The following FRY variants were observed in gnomAD, a reference collection of about 807,000 sequenced individuals.
The protein encoded by FRY is FRY microtubule binding protein, also known as protein furry homolog.
In FRY, 128 loss-of-function variants were observed where a neutral mutation model predicts 348.4. That is an observed-to-expected ratio of 0.37 (90% CI 0.32 to 0.43). The LOEUF is 0.43. FRY is among the 20% of genes least tolerant of loss of function. The probability of loss-of-function intolerance (pLI) is 1.00; values close to 1 mark genes in which losing one functional copy is unlikely to be tolerated. For synonymous variants in FRY, 1,370 were observed against 1,374.7 expected (o/e 1.00, Z 0.08); for missense variants, 2,736 against 3,695.2 (o/e 0.74, Z 6.73).
chr13:32,158,329 AATGT>A (rs1652984969), intron 16 of FRY, among the ~76,000 whole-genome samples: 1 of 152,220 alleles, frequency 6.6e-6, no homozygotes, highest in Non-Finnish European at 1.5e-5. Context: ...TGTCAATACA[AATGT>A]ATGTGTATAC....
intron 1 of FRY, among the ~76,000 whole-genome samples, chr13:32,043,923 A>G (rs1379802972): frequency 6.6e-6 from 1 of 151,712 alleles, no homozygotes; most frequent in Non-Finnish European, 1.5e-5. Context: ...GGCCAGGCAC[A>G]GTGGCTCACA....
At chr13:32,201,568 T>C (rs1302140948) in intron 29 of FRY, among the ~76,000 whole-genome samples, 2 of 152,250 alleles carry the variant, frequency 1.3e-5, no homozygotes, top group African/African-American at 4.8e-5. Context: ...GGTGAGCTAT[T>C]GAGAAATTTA....
rs200324388 is a variant in FRY, at chr13:32,040,278, A to G, written c.70+8413A>G. Among the ~76,000 whole-genome samples, 19 of 152,330 alleles carry G rather than the reference A, an allele frequency of 1.2e-4. No homozygotes were observed. The East Asian group carries it at 3.7e-3, about 29-fold the overall frequency. On this transcript the variant is annotated intron_variant, in intron 1 of 60. Coordinates refer to ENST00000542859, the MANE Select transcript of FRY (RefSeq NM_023037.3). Reference sequence around the variant, plus strand: ...AAAATGTTTGAACTGTATAAATACAAGATTGGGTTTTTCTTCTCTGTTTTT... The same window carrying G: ...AAAATGTTTGAACTGTATAAATACAGGATTGGGTTTTTCTTCTCTGTTTTT...
At chr13:32,142,349 A>T (rs1880125794) in intron 11 of FRY, among the ~76,000 whole-genome samples, 1 of 152,222 alleles carries the variant, frequency 6.6e-6, no homozygotes, top group Admixed American at 6.5e-5. Flanking sequence ...TCTACTCCAT[A>T]CATTGCTGTG....
intron 35 of FRY, among the ~76,000 whole-genome samples, chr13:32,217,446 C>T (rs894388825): frequency 6.6e-5 from 10 of 152,142 alleles, no homozygotes; most frequent in South Asian, 2.1e-4. Context: ...CCTTATAGTC[C>T]GACAGTGTCT....
At chr13:32,243,733 G>A (rs919362553) in intron 46 of FRY, among the ~76,000 whole-genome samples, 3 of 152,124 alleles carry the variant, frequency 2.0e-5, no homozygotes, top group Non-Finnish European at 4.4e-5. Context: ...CTCCACACAT[G>A]ATATAGTCTA....
At chr13:32,057,114 A>G (rs1357766304) in intron 1 of FRY, among the ~76,000 whole-genome samples, 1 of 152,146 alleles carries the variant, frequency 6.6e-6, no homozygotes, top group Non-Finnish European at 1.5e-5. Context: ...CGGGGAGACT[A>G]TACAATAAAG....
chr13:32,201,913 T>G, intron 29 of FRY, 28 bp from the exon 30 acceptor site: 2 of 1,227,428 alleles, frequency 1.6e-6, no homozygotes, highest in Admixed American at 1.7e-5. Context: ...AACCATGCTT[T>G]TTTTGTTTTG....
intron 28 of FRY, among the ~76,000 whole-genome samples, chr13:32,189,031 T>G (rs1459185295): frequency 6.6e-6 from 1 of 152,160 alleles, no homozygotes; most frequent in Non-Finnish European, 1.5e-5. Flanking sequence ...CAAATTGGTA[T>G]GGATGGTCTA....
At chr13:32,070,828 G>A (rs935823659) in intron 1 of FRY, among the ~76,000 whole-genome samples, 3 of 152,062 alleles carry the variant, frequency 2.0e-5, no homozygotes, top group African/African-American at 7.2e-5. Flanking sequence ...TTTCTTCTAG[G>A]GTTTTTATGG....
chr13:32,278,482 G>C lies in FRY; in HGVS notation c.8403G>C (p.Lys2801Asn). The part of the protein sequence containing the change: ...EATLSWLANC[K>N]ATFAGGSRDG... ...TCTGACAGTGGCTTGCAAATTGTAA[G>C]GCAACATTTGCAGGGGGATCAAGAG... is the stretch of plus-strand genomic sequence containing the variant. The change falls in exon 58 of 61, where the codon AAG (lysine) becomes AAC (asparagine). Residue 2801 changes from lysine (K) to asparagine (N), a missense_variant. Around this residue, in one of 9 missense-constraint regions of FRY, gnomAD observed 789 missense variants for 996.2 expected, o/e 0.79. Transcript: ENST00000542859. 2 of 1,590,406 alleles carry C rather than the reference G, an allele frequency of 1.3e-6. No individual in the cohort carries two copies. Among genetic ancestry groups the C allele is most frequent in the Non-Finnish European group, 1.7e-6 (2 of 1,158,492 alleles).
chr13:32,203,097 A>C (rs1884136808), intron 31 of FRY, among the ~76,000 whole-genome samples: 1 of 152,218 alleles, frequency 6.6e-6, no homozygotes, highest in Non-Finnish European at 1.5e-5. Flanking sequence ...AGGCATAAAC[A>C]TACATATGAC....
intron 1 of FRY, chr13:32,061,198 G>A (rs1566049536): frequency 1.9e-6 from 1 of 531,344 alleles, no homozygotes; most frequent in Non-Finnish European, 3.9e-6. Context: ...GTGTGGAGTG[G>A]CTAACTGGTT....
At chr13:32,168,732 A>G (rs1054427619) in intron 17 of FRY, among the ~76,000 whole-genome samples, 1 of 152,080 alleles carries the variant, frequency 6.6e-6, no homozygotes, top group Non-Finnish European at 1.5e-5. Flanking sequence ...CTTTTGAGAC[A>G]GTAAATATAT....
intron 50 of FRY, among the ~76,000 whole-genome samples, chr13:32,252,474 G>T (rs1010526908): frequency 6.6e-6 from 1 of 152,156 alleles, no homozygotes; most frequent in African/African-American, 2.4e-5. Flanking sequence ...TGAATGAATG[G>T]ACGATTGAAT....
At chr13:32,261,842 G>C in intron 52 of FRY, 26 bp downstream of exon 52, 1 of 1,598,180 alleles carries the variant, frequency 6.3e-7, no homozygotes, top group African/African-American at 1.3e-5. Flanking sequence ...CCCACTCTAA[G>C]AATTGGGAGG....
Position 32,035,408 on chromosome 13 carries a change from C to A in FRY, c.70+3543C>A, listed in dbSNP as rs561013451. 2.0e-5 allele frequency among the ~76,000 whole-genome samples: 3 copies of A among 152,130 alleles called. No homozygotes were observed. In the East Asian group the frequency reaches 5.8e-4, roughly 29 times the overall value. Reference sequence around the variant, plus strand: ...ACCCTAAGTGCATACTTTCTAGCAGCTTGGGAGTTGGTCTGGGAATTTTCT... The same window carrying A: ...ACCCTAAGTGCATACTTTCTAGCAGATTGGGAGTTGGTCTGGGAATTTTCT... On this transcript the variant is annotated intron_variant, in intron 1 of 60. Transcript: ENST00000542859.
At chr13:32,191,608 CA>C (rs1883343605) in intron 28 of FRY, among the ~76,000 whole-genome samples, 1 of 152,132 alleles carries the variant, frequency 6.6e-6, no homozygotes, top group African/African-American at 2.4e-5. Flanking sequence ...GGCTTATCAA[CA>C]ACAGAAATTT....
At chr13:32,227,262 C>T (rs1343201313) in intron 39 of FRY, among the ~76,000 whole-genome samples, 3 of 152,108 alleles carry the variant, frequency 2.0e-5, no homozygotes, top group Non-Finnish European at 4.4e-5. Context: ...ATTTATTAAG[C>T]ACCTAGTTTC....
Sources: gnomAD v4.1 joint callset for allele counts (sites outside exome capture counted in the v4.1 genomes callset) on GRCh38, gnomAD v4.1.1 for gene constraint, gnomAD v4.1.1 regional missense constraint, MANE v1.5 for transcripts, NCBI Gene and HGNC (gene_info 2026-07-23, HGNC 2026-07-21) for gene names.